Variants in SLC45A2 observed in about 807,000 individuals in gnomAD.
SLC45A2 encodes membrane-associated transporter protein.
In SLC45A2, 36 loss-of-function variants were observed where a neutral mutation model predicts 45.5. The ratio of observed to expected loss-of-function variants is 0.79; its 90% CI spans 0.61 to 1.04. The LOEUF (loss-of-function observed/expected upper bound fraction) is 1.04. SLC45A2 is among the 50% of genes least tolerant of loss of function. The pLI, the probability that SLC45A2 is intolerant of heterozygous loss-of-function variation, is 0.00. For missense variants in SLC45A2, 719 were observed against 671.0 expected, an observed-to-expected ratio of 1.07 and a Z score of -0.79; for synonymous variants, 306 against 269.3, an observed-to-expected ratio of 1.14 and a Z score of -1.33.
chr5:33,974,631 G>T (rs778302971), intron 2 of SLC45A2, among the ~76,000 whole-genome samples: 39 of 152,160 alleles, frequency 2.6e-4, no homozygotes, highest in Non-Finnish European at 4.3e-4. Flanking sequence ...AATTCAAAAA[G>T]TTTGGCATGT....
Position 33,963,929 on chromosome 5 carries a change from A to G in SLC45A2, c.650T>C (p.Val217Ala). The G allele has an allele frequency of 7.4e-6, 12 of 1,614,148 alleles. No individual in the cohort carries two copies. The highest frequency in any genetic ancestry group is 1.0e-5 in the Non-Finnish European group (12 of 1,179,994). ...LGRLLGTEFQ[V>A]MFFFSALVLT... ...CACCAATGCAGAGAAGAAGAACATG[A>G]CCTGGAATTCTGTACCCAACAGTCT... Residue 217 changes from valine to alanine, a missense_variant, in exon 3 of 7, where the codon GTC becomes GCC. Coordinates refer to ENST00000296589, the MANE Select transcript of SLC45A2 (RefSeq NM_016180.5).
At position 33,949,979 on chromosome 5, in the gene SLC45A2, G is replaced by A. The variant is rs1313439903; in HGVS notation, c.1156+1575C>T. Reference sequence around the variant, plus strand: ...GAGACAGGAGGATCACTTGAGCCCAGGAGATCGAGACCAGCCTGGGCAATG... The same window carrying A: ...GAGACAGGAGGATCACTTGAGCCCAAGAGATCGAGACCAGCCTGGGCAATG... On this transcript the variant is annotated intron_variant, in intron 5 of 6. Coordinates refer to ENST00000296589, the MANE Select transcript of SLC45A2 (RefSeq NM_016180.5). Among the ~76,000 whole-genome samples, 3 of 151,958 alleles carry A rather than the reference G, an allele frequency of 2.0e-5. No individual in the cohort carries two copies. In the East Asian group the frequency reaches 5.8e-4, roughly 29 times the overall value.
chr5:33,951,593 C>T lies in SLC45A2; in HGVS notation c.1117G>A (p.Gly373Ser). The T allele has an allele frequency of 6.2e-7, 1 of 1,613,984 alleles. No individual in the cohort carries two copies. The highest frequency in any genetic ancestry group is 8.5e-7 in the Non-Finnish European group (1 of 1,179,924). ...YERGVEVGCW[G>S]LCINSVFSSL... ...GAAAACACGGAGTTGATGCACAAGC[C>T]CCAACATCCAACCTCGACTCCTCTT... is the stretch of plus-strand genomic sequence containing the variant. Residue 373 changes from glycine (G) to serine (S), a missense_variant, in exon 5 of 7, where the codon GGC becomes AGC. Transcript: ENST00000296589.
chr5:33,980,333 C>T (rs1323101807), intron 2 of SLC45A2, among the ~76,000 whole-genome samples: 1 of 151,894 alleles, frequency 6.6e-6, no homozygotes, highest in Non-Finnish European at 1.5e-5. Context: ...CCATCATGGC[C>T]AGTTTCAAGC....
At chr5:33,977,418 T>C (rs1326414670) in intron 2 of SLC45A2, among the ~76,000 whole-genome samples, 1 of 152,226 alleles carries the variant, frequency 6.6e-6, no homozygotes, top group Non-Finnish European at 1.5e-5. Context: ...TTCATGTTCA[T>C]CTACTCAATA....
At chr5:33,961,462 TA>T (rs1189443602) in intron 3 of SLC45A2, among the ~76,000 whole-genome samples, 2 of 152,254 alleles carry the variant, frequency 1.3e-5, no homozygotes, top group Non-Finnish European at 1.5e-5. Flanking sequence ...CTTCATGCTT[TA>T]AAAAAAATTT....
At chr5:33,957,890 A>T (rs920952543) in intron 3 of SLC45A2, among the ~76,000 whole-genome samples, 1 of 152,232 alleles carries the variant, frequency 6.6e-6, no homozygotes, top group African/African-American at 2.4e-5. Flanking sequence ...ATGAGCTTTC[A>T]AAATGTGCAT....
At chr5:33,963,102 A>T (rs73761625) in intron 3 of SLC45A2, among the ~76,000 whole-genome samples, 5,295 of 152,316 alleles carry the variant, frequency 0.035, 300 homozygotes, top group African/African-American at 0.12. Flanking sequence ...TTTAATTTAA[A>T]TAGCCCCACG....
Position 33,984,620 on chromosome 5 carries a change from C to T in SLC45A2, c.-37G>A. The T allele has an allele frequency of 6.2e-7, 1 of 1,603,722 alleles. No homozygotes were observed. The highest frequency in any genetic ancestry group is 8.5e-7 in the Non-Finnish European group (1 of 1,179,948). ...GAGGAACCTTCCTGCGAGCCCACCA[C>T]CTCCTGCGTGGTCCTAGGGTCTGTG... On this transcript the variant is annotated 5_prime_UTR_variant, in exon 1 of 7. The change creates a new upstream start codon in the 5' untranslated region. Transcript: ENST00000296589.
Position 33,974,988 on chromosome 5 carries a change from G to T in SLC45A2, c.562+7248C>A, listed in dbSNP as rs76246406. On this transcript the variant is annotated intron_variant, in intron 2 of 6. Transcript: ENST00000296589. ...TTTACGAATAATGTCGATTGTCATT[G>T]TCACTGAGTTGGGGACTTTAGAATC... is the stretch of plus-strand genomic sequence containing the variant. Among the ~76,000 whole-genome samples, 753 of 152,314 alleles carry T rather than the reference G, an allele frequency of 4.9e-3. 7 individuals are homozygous for T. The highest frequency in any genetic ancestry group is 0.017 in the African/African-American group (713 of 41,556).
chr5:33,949,557 A>G (rs991687143), intron 5 of SLC45A2, among the ~76,000 whole-genome samples: 3 of 152,196 alleles, frequency 2.0e-5, no homozygotes, highest in Non-Finnish European at 2.9e-5. Context: ...ACTAGGCCAA[A>G]CTGTGAAAAG....
intron 1 of SLC45A2, among the ~76,000 whole-genome samples, chr5:33,982,946 C>T (rs187484036): frequency 6.2e-4 from 95 of 152,344 alleles, no homozygotes; most frequent in Middle Eastern, 3.4e-3. Flanking sequence ...TACAGACACA[C>T]GTGTACAATG....
chr5:33,954,500 C>T lies in SLC45A2; in HGVS notation c.893G>A (p.Arg298His), dbSNP rs374649089. 3.4e-5 allele frequency: 55 copies of T among 1,613,604 alleles called. No homozygotes were observed. Among genetic ancestry groups the T allele is most frequent in the Middle Eastern group, 3.4e-4 (2 of 5,896 alleles). The change falls in exon 4 of 7, where the codon CGC becomes CAC. Residue 298 changes from arginine (R) to histidine (H), a missense_variant. By Grantham distance (29) the Arg-to-His change is conservative. Coordinates refer to ENST00000296589, the MANE Select transcript of SLC45A2 (RefSeq NM_016180.5). ...CAGTGACTTTAATGTCATTGCCCTG[C>T]GAGTCTGAAATAAAACATGAAACAG... ...AKNKNHAEQTRRAMTLKSLLR... is the reference protein window; with the variant it reads ...AKNKNHAEQTHRAMTLKSLLR...
chr5:33,946,545 A>T (rs1751932792), intron 6 of SLC45A2: 2 of 989,684 alleles, frequency 2.0e-6, no homozygotes, highest in Non-Finnish European at 2.4e-6. Flanking sequence ...AGCACTGCAT[A>T]GGCGCTTGTT....
rs770124563 is a variant in SLC45A2, at chr5:33,944,778, A to G, written c.1463T>C (p.Ile488Thr). 2.5e-5 allele frequency: 40 copies of G among 1,614,052 alleles called. No individual in the cohort carries two copies. Among genetic ancestry groups the G allele is most frequent in the Non-Finnish European group, 2.5e-5 (30 of 1,180,032 alleles). ...TLTCMVQLAQ[I>T]LVGGGLGFLV... ...AAAGCCCAGGCCACCTCCGACCAGG[A>G]TCTGAGCCAGCTGCACCATGCATGT... is the stretch of plus-strand genomic sequence containing the variant. The change falls in exon 7 of 7, where the codon ATC (isoleucine) becomes ACC (threonine). Residue 488 changes from isoleucine to threonine, a missense_variant. By Grantham distance (89) the Ile-to-Thr change is moderately conservative (BLOSUM62 -1). Transcript: ENST00000296589.
intron 5 of SLC45A2, among the ~76,000 whole-genome samples, chr5:33,949,862 TA>T (rs1752045075): frequency 6.6e-6 from 1 of 150,778 alleles, no homozygotes; most frequent in African/African-American, 2.5e-5. Context: ...TGAGGAAAAA[TA>T]AGTTTAGATT....
chr5:33,974,392 C>A (rs1198650776), intron 2 of SLC45A2, among the ~76,000 whole-genome samples: 1 of 151,806 alleles, frequency 6.6e-6, no homozygotes, highest in Non-Finnish European at 1.5e-5. Context: ...TGGTAATGAA[C>A]CCTTGGATGC....
In SLC45A2 at chr5:33,982,394, C is replaced by CT. The variant is rs745945275; in HGVS notation, c.403dup (p.Arg135LysfsTer19). On this transcript the variant is annotated frameshift_variant, in exon 2 of 7. Transcript: ENST00000296589. LOFTEE classifies it high-confidence loss of function. The stretch of plus-strand genomic sequence containing the variant: ...ACTTATGGCCCAAACCAGCTTCCTC[C>CT]TTGGGTTAGCAATCAAAGCTAAAAG... The CT allele has an allele frequency of 6.2e-7, 1 of 1,614,150 alleles. No homozygotes were observed. Among genetic ancestry groups the CT allele is most frequent in the Non-Finnish European group, 8.5e-7 (1 of 1,180,020 alleles).
intron 3 of SLC45A2, among the ~76,000 whole-genome samples, chr5:33,957,939 C>T (rs1752327656): frequency 6.6e-6 from 1 of 152,102 alleles, no homozygotes; most frequent in Non-Finnish European, 1.5e-5. Flanking sequence ...ATATTCAAAG[C>T]CCCTTTGTAT....
Sources: gnomAD v4.1 joint callset for allele counts (sites outside exome capture counted in the v4.1 genomes callset) on GRCh38, gnomAD v4.1.1 for gene constraint, MANE v1.5 for transcripts, NCBI Gene and HGNC (gene_info 2026-07-23, HGNC 2026-07-21) for gene names.